Variants in SERPINA12 observed in about 807,000 individuals in gnomAD.
SERPINA12 encodes serpin family A member 12, also known as serpin A12.
Under a neutral mutation model 25.9 loss-of-function variants are expected in SERPINA12, and 21 were observed. That is an observed-to-expected ratio of 0.81 (90% confidence interval 0.58 to 1.17). The LOEUF is 1.17. SERPINA12 is among the 50% of genes most tolerant of loss of function. SERPINA12 has a pLI of 0.00. For synonymous variants in SERPINA12, 220 were observed against 196.0 expected, an observed-to-expected ratio of 1.12 and a Z score of -1.02; for missense variants, 562 against 508.3, an observed-to-expected ratio of 1.11 and a Z score of -1.02.
intron 1 of SERPINA12, chr14:94,504,206 C>T (rs1341981899): frequency 2.6e-5 from 4 of 152,180 alleles, no homozygotes; most frequent in African/African-American, 9.6e-5. Context: ...TCCATGGCCT[C>T]TTGGAAGAGT....
chr14:94,516,526 G>A (rs1901238681), intron 1 of SERPINA12, among the ~76,000 whole-genome samples: 1 of 152,180 alleles, frequency 6.6e-6, no homozygotes. Flanking sequence ...ACCAGCAGGT[G>A]AAGGGGGGCA....
Position 94,498,195 on chromosome 14 carries a change from G to A in SERPINA12, c.203C>T (p.Pro68Leu), listed in dbSNP as rs1212283079. Reference protein sequence around the residue: ...KLLKKLAFYNPGRNIFLSPLS... With the variant: ...KLLKKLAFYNLGRNIFLSPLS... ...GGGGGATAGGAAGATGTTCCTGCCA[G>A]GGTTGTAAAAGGCCAGCTTCTTGAG... The change falls in exon 2 of 5, where the codon CCT (proline) becomes CTT (leucine). Residue 68 changes from proline to leucine, a missense_variant. By Grantham distance (98) the Pro-to-Leu change is moderately conservative. Coordinates refer to ENST00000677451, the MANE Select transcript of SERPINA12 (RefSeq NM_001382267.1). The A allele has an allele frequency of 5.6e-6, 9 of 1,614,208 alleles. No individual in the cohort carries two copies. The highest frequency in any genetic ancestry group is 7.6e-6 in the Non-Finnish European group (9 of 1,180,040).
At chr14:94,497,671 A>T in intron 2 of SERPINA12, 93 bp downstream of exon 2, 1 of 1,167,480 alleles carries the variant, frequency 8.6e-7, no homozygotes, top group Non-Finnish European at 1.2e-6. Context: ...TATGAATTCA[A>T]GGTCACAGAG....
intron 2 of SERPINA12, among the ~76,000 whole-genome samples, chr14:94,515,426 C>T (rs1381803441): frequency 6.6e-6 from 1 of 152,178 alleles, no homozygotes; most frequent in Non-Finnish European, 1.5e-5. Flanking sequence ...CCTCCCCCAA[C>T]CCCCATATCT....
At chr14:94,513,817 T>C (rs1901166320), upstream of SERPINA12, among the ~76,000 whole-genome samples, 1 of 152,180 alleles carries the variant, frequency 6.6e-6, no homozygotes, top group South Asian at 2.1e-4. Flanking sequence ...CAGTGGTGTT[T>C]CCAAATGCCA....
chr14:94,496,447 C>G lies in SERPINA12; in HGVS notation c.831G>C (p.Glu277Asp). ...CCTTCTCCAAGTGCTTCAGCTTGCC[C>G]TCATCAGGAAGGATGAAGATGGCTG... Reference protein sequence around the residue: ...NITAIFILPDEGKLKHLEKGL... With the variant: ...NITAIFILPDDGKLKHLEKGL... Residue 277 changes from glutamate (E) to aspartate (D), a missense_variant, in exon 3 of 5, where the codon GAG (glutamate) becomes GAC (aspartate). Coordinates refer to ENST00000677451, the MANE Select transcript of SERPINA12 (RefSeq NM_001382267.1). 1 of 1,614,118 alleles carries G rather than the reference C, an allele frequency of 6.2e-7. No individual in the cohort carries two copies. Among genetic ancestry groups the G allele is most frequent in the Non-Finnish European group, 8.5e-7 (1 of 1,180,002 alleles).
At chr14:94,500,765 G>A (rs1900683246) in intron 1 of SERPINA12, 1 of 684,922 alleles carries the variant, frequency 1.5e-6, no homozygotes, top group Non-Finnish European at 1.8e-6. Flanking sequence ...CCGGGGCTGG[G>A]TCCATGGAAA....
upstream of SERPINA12, among the ~76,000 whole-genome samples, chr14:94,514,406 C>G (rs1268843359): frequency 6.6e-6 from 1 of 152,204 alleles, no homozygotes; most frequent in African/African-American, 2.4e-5. Flanking sequence ...AGCTGGACGC[C>G]ACAGCTACTG....
At chr14:94,490,787 C>A (rs1262505029) in intron 3 of SERPINA12, among the ~76,000 whole-genome samples, 1 of 152,184 alleles carries the variant, frequency 6.6e-6, no homozygotes, top group Non-Finnish European at 1.5e-5. Flanking sequence ...ACCAGCCCCA[C>A]GTCCCAGAGC....
chr14:94,503,713 G>T (rs1381506685), intron 1 of SERPINA12, among the ~76,000 whole-genome samples: 1 of 152,238 alleles, frequency 6.6e-6, no homozygotes, highest in Non-Finnish European at 1.5e-5. Flanking sequence ...GCATTGAACA[G>T]GCTGCTTCGC....
At chr14:94,511,514 G>A (rs1301353446), upstream of SERPINA12, 1 of 985,332 alleles carries the variant, frequency 1.0e-6, no homozygotes, top group Non-Finnish European at 1.2e-6. Context: ...GGCTGCGGCT[G>A]TTAAATGCTG....
intron 1 of SERPINA12, among the ~76,000 whole-genome samples, chr14:94,501,508 C>T (rs1368312834): frequency 6.6e-6 from 1 of 152,202 alleles, no homozygotes; most frequent in East Asian, 1.9e-4. Flanking sequence ...GGATAGCGGT[C>T]CTCCCCAACT....
intron 1 of SERPINA12, among the ~76,000 whole-genome samples, chr14:94,498,909 G>C (rs918659533): frequency 2.0e-5 from 3 of 152,176 alleles, no homozygotes; most frequent in Non-Finnish European, 2.9e-5. Flanking sequence ...AGTAGCCCTG[G>C]AGCTGAATGT....
rs138358468 is a variant in SERPINA12, at chr14:94,498,559, C to G, written c.-33-129G>C. The G allele has an allele frequency of 1.4e-5, 10 of 708,746 alleles. No individual in the cohort carries two copies. In the East Asian group the frequency reaches 2.7e-4, roughly 19 times the overall value. The allele number at this position is 708,746 out of a possible 1,614,324, so 43.9% of individuals were successfully genotyped here. On this transcript the variant is annotated intron_variant, in intron 1 of 4. Transcript: ENST00000677451. ...ATAGCAGTTTATGAGTGCTTTGACCCCTTTATAGCATTTAAACTTTATAAT... is the reference window on the plus strand; with the variant it reads ...ATAGCAGTTTATGAGTGCTTTGACCGCTTTATAGCATTTAAACTTTATAAT...
rs977157192 is a variant in SERPINA12 at position 94,497,818 on chromosome 14, C to T, written c.580G>A (p.Glu194Lys). The T allele has an allele frequency of 6.2e-6, 10 of 1,613,968 alleles. No homozygotes were observed. Among genetic ancestry groups the T allele is most frequent in the Admixed American group, 5.0e-5 (3 of 60,004 alleles). ...KTHGKINNLIENIDPGTVMLL... is the reference protein window; with the variant it reads ...KTHGKINNLIKNIDPGTVMLL... ...ATCACAGTGCCGGGGTCTATATTCT[C>T]GATCAGGTTGTTAATTTTCCCATGG... The change falls in exon 2 of 5, where the codon GAG becomes AAG. Residue 194 changes from glutamate to lysine, a missense_variant. Glu to Lys is a moderately conservative substitution (Grantham distance 56, BLOSUM62 1). Transcript: ENST00000677451.
At chr14:94,492,639 G>C (rs1169936084) in intron 3 of SERPINA12, among the ~76,000 whole-genome samples, 2 of 152,232 alleles carry the variant, frequency 1.3e-5, no homozygotes, top group Non-Finnish European at 2.9e-5. Context: ...CTGAGTAGCA[G>C]GGGGCCGTAG....
At chr14:94,512,684 A>T (rs1330920025), upstream of SERPINA12, among the ~76,000 whole-genome samples, 1 of 152,170 alleles carries the variant, frequency 6.6e-6, no homozygotes, top group Non-Finnish European at 1.5e-5. Flanking sequence ...TGTGTTATCA[A>T]GAATGGATCA....
intron 1 of SERPINA12, among the ~76,000 whole-genome samples, chr14:94,506,355 C>G (rs1900932921): frequency 6.6e-6 from 1 of 152,110 alleles, no homozygotes; most frequent in Non-Finnish European, 1.5e-5. Flanking sequence ...GATGGGAACA[C>G]AGAACACAGA....
upstream of SERPINA12, chr14:94,510,039 TC>T (rs2139865256): frequency 1.0e-6 from 1 of 985,236 alleles, no homozygotes; most frequent in Admixed American, 6.1e-5. Flanking sequence ...CCCACCCCAC[TC>T]CCGAGCTCTG....
Sources: gnomAD v4.1 joint callset for allele counts (sites outside exome capture counted in the v4.1 genomes callset) on GRCh38, gnomAD v4.1.1 for gene constraint, MANE v1.5 for transcripts, NCBI Gene and HGNC (gene_info 2026-07-23, HGNC 2026-07-21) for gene names.